The following FYN variants were observed in gnomAD, a reference collection of about 807,000 sequenced individuals.
The protein encoded by FYN is tyrosine-protein kinase Fyn.
A neutral mutation model predicts 70.2 loss-of-function variants in FYN; 10 were observed. That is an observed-to-expected ratio of 0.14 (90% CI 0.09 to 0.24). FYN has a LOEUF of 0.24. Ranked by LOEUF, FYN falls within the 10% of genes least tolerant of loss-of-function variation. The pLI is 1.00. For synonymous variants in FYN, 236 were observed against 248.6 expected (o/e 0.95, Z 0.48); for missense variants, 319 against 673.1 (o/e 0.47, Z 5.82).
intron 2 of FYN, among the ~76,000 whole-genome samples, chr6:111,797,901 T>C (rs1314508875): frequency 6.6e-6 from 1 of 151,908 alleles, no homozygotes; most frequent in African/African-American, 2.4e-5. Flanking sequence ...TAGCTGGGAC[T>C]ACAGGCATGT....
intron 3 of FYN, among the ~76,000 whole-genome samples, chr6:111,747,192 T>G (rs970136268): frequency 6.6e-6 from 1 of 152,178 alleles, no homozygotes; most frequent in Non-Finnish European, 1.5e-5. Context: ...CAAAAGCATT[T>G]TCAGAATTCA....
At chr6:111,857,730 T>G (rs979145273) in intron 1 of FYN, among the ~76,000 whole-genome samples, 3 of 152,182 alleles carry the variant, frequency 2.0e-5, no homozygotes, top group Non-Finnish European at 2.9e-5. Flanking sequence ...ACAGGTAACC[T>G]AGTGGCTTCA....
At chr6:111,824,466 T>C (rs955139508) in intron 2 of FYN, among the ~76,000 whole-genome samples, 1 of 150,880 alleles carries the variant, frequency 6.6e-6, no homozygotes, top group African/African-American at 2.4e-5. Flanking sequence ...GACACCATCA[T>C]GGATGAGAGA....
chr6:111,860,682 G>C (rs1773939398), intron 1 of FYN, among the ~76,000 whole-genome samples: 2 of 152,134 alleles, frequency 1.3e-5, no homozygotes, highest in African/African-American at 4.8e-5. Context: ...ACCAGAACCT[G>C]TCCCTTTCCC....
intron 12 of FYN, among the ~76,000 whole-genome samples, chr6:111,687,605 G>GGTGGGTGTGTGTGT (rs767398366): frequency 4.2e-5 from 6 of 143,364 alleles, no homozygotes; most frequent in African/African-American, 1.6e-4. Context: ...GGGGTGGGTG[G>GGTGGGTGTGTGTGT]GTGTGTGTGT....
chr6:111,782,815 C>G (rs1039251241), intron 2 of FYN, among the ~76,000 whole-genome samples: 1 of 152,206 alleles, frequency 6.6e-6, no homozygotes, highest in African/African-American at 2.4e-5. Flanking sequence ...TACAGTTGCT[C>G]TGGCCTCTAC....
At chr6:111,678,598 C>T (rs564515356) in intron 12 of FYN, among the ~76,000 whole-genome samples, 29 of 152,218 alleles carry the variant, frequency 1.9e-4, no homozygotes, top group African/African-American at 7.0e-4. Context: ...CTCTCGAGTC[C>T]CTGACTTGCA....
At chr6:111,686,908 T>C (rs563877056) in intron 12 of FYN, among the ~76,000 whole-genome samples, 1 of 152,324 alleles carries the variant, frequency 6.6e-6, no homozygotes, top group Admixed American at 6.5e-5. Context: ...GTCGTTGTAA[T>C]ACAAAGGAAG....
intron 2 of FYN, among the ~76,000 whole-genome samples, chr6:111,790,252 AC>A (rs1771564581): frequency 7.2e-5 from 1 of 13,808 alleles, no homozygotes; most frequent in Non-Finnish European, 1.3e-4. Flanking sequence ...TTAGATACAC[AC>A]ACACACACAC....
intron 13 of FYN, among the ~76,000 whole-genome samples, chr6:111,670,590 A>C (rs1798220094): frequency 1.3e-5 from 2 of 151,016 alleles, no homozygotes; most frequent in Non-Finnish European, 2.9e-5. Flanking sequence ...GTGCACAATA[A>C]ATATTTGTGG....
intron 2 of FYN, among the ~76,000 whole-genome samples, chr6:111,805,100 G>A (rs7761230): frequency 0.15 from 23,389 of 151,828 alleles, 2,606 homozygotes; most frequent in African/African-American, 0.32. Context: ...CACATGACTC[G>A]AAGTGTGTTT....
chr6:111,802,245 T>C (rs1364127403), intron 2 of FYN, among the ~76,000 whole-genome samples: 1 of 150,418 alleles, frequency 6.6e-6, no homozygotes, highest in Non-Finnish European at 1.5e-5. Context: ...CTCTCCCACT[T>C]CCCCCTCTCC....
At chr6:111,802,843 G>A (rs763362022) in intron 2 of FYN, among the ~76,000 whole-genome samples, 5 of 152,002 alleles carry the variant, frequency 3.3e-5, no homozygotes, top group Admixed American at 1.3e-4. Flanking sequence ...CAGGAACGTA[G>A]TAGAGCCACA....
intron 1 of FYN, among the ~76,000 whole-genome samples, chr6:111,849,257 C>A (rs1773617066): frequency 6.6e-6 from 1 of 152,182 alleles, no homozygotes; most frequent in African/African-American, 2.4e-5. Flanking sequence ...AGCCAAAGGA[C>A]AAGACCCTGA....
chr6:111,751,039 A>C (rs1202600194), intron 3 of FYN, among the ~76,000 whole-genome samples: 1 of 152,226 alleles, frequency 6.6e-6, no homozygotes, highest in Non-Finnish European at 1.5e-5. Context: ...ACACTGGAAA[A>C]AAACACCAAG....
chr6:111,725,078 T>C (rs1562492281), intron 3 of FYN, among the ~76,000 whole-genome samples: 1 of 152,160 alleles, frequency 6.6e-6, no homozygotes, highest in Non-Finnish European at 1.5e-5. Flanking sequence ...GGATAAGATG[T>C]GGCAGAGACA....
chr6:111,823,214 GA>G (rs1772727840), intron 2 of FYN, among the ~76,000 whole-genome samples: 1 of 152,202 alleles, frequency 6.6e-6, no homozygotes, highest in African/African-American at 2.4e-5. Flanking sequence ...CAGGTGTGGG[GA>G]CCCACAGGGA....
At chr6:111,725,180 G>A (rs1314189837) in intron 3 of FYN, among the ~76,000 whole-genome samples, 3 of 152,104 alleles carry the variant, frequency 2.0e-5, no homozygotes, top group Non-Finnish European at 4.4e-5. Context: ...AATCTACTTG[G>A]GGACTTTTGC....
At chr6:111,676,122 C>T (rs180734772) in intron 12 of FYN, among the ~76,000 whole-genome samples, 328 of 152,244 alleles carry the variant, frequency 2.2e-3, no homozygotes, top group African/African-American at 7.1e-3. Context: ...TAAATTGGCA[C>T]AGTTTTAATA....
Sources: gnomAD v4.1 joint callset for allele counts (sites outside exome capture counted in the v4.1 genomes callset) on GRCh38, gnomAD v4.1.1 for gene constraint, MANE v1.5 for transcripts, NCBI Gene and HGNC (gene_info 2026-07-23, HGNC 2026-07-21) for gene names.